The following CPM variants were observed in gnomAD, a reference collection of about 807,000 sequenced individuals.
CPM encodes the protein renal carboxypeptidase.
A neutral mutation model predicts 46.4 loss-of-function variants in CPM; 35 were observed. That is an observed-to-expected ratio of 0.75 (90% CI 0.58 to 1.00). The LOEUF is 1.00. Ranked by LOEUF, CPM falls within the 50% of genes least tolerant of loss-of-function variation. The pLI, the probability that CPM is intolerant of heterozygous loss-of-function variation, is 0.00. For synonymous variants in CPM, 195 were observed against 195.3 expected (o/e 1.00, Z 0.01); for missense variants, 422 against 530.4 (o/e 0.80, Z 2.01).
chr12:68,947,039 A>G (rs567637813), intron 1 of CPM, among the ~76,000 whole-genome samples: 3 of 152,370 alleles, frequency 2.0e-5, no homozygotes, highest in African/African-American at 7.2e-5. Flanking sequence ...TGAACACATA[A>G]GCTCTCCATG....
intron 1 of CPM, among the ~76,000 whole-genome samples, chr12:68,962,666 G>C (rs76585786): frequency 1.3e-5 from 2 of 152,152 alleles, no homozygotes; most frequent in African/African-American, 4.8e-5. Flanking sequence ...ATGATGGGAA[G>C]GGGGAGCCAG....
intron 1 of CPM, among the ~76,000 whole-genome samples, chr12:68,958,320 C>T (rs1489612866): frequency 6.6e-6 from 1 of 152,154 alleles, no homozygotes; most frequent in Non-Finnish European, 1.5e-5. Flanking sequence ...AGTATAAAAG[C>T]ATTCCTATTT....
intron 2 of CPM, 131 bp downstream of exon 2, chr12:68,932,547 G>GT (rs2081364862): frequency 9.6e-7 from 1 of 1,040,150 alleles, no homozygotes; most frequent in Non-Finnish European, 1.4e-6. Context: ...AACACGCACG[G>GT]TACCGGTTGA....
chr12:68,844,417 T>G (rs1000065196), intron 5 of CPM: 1 of 227,412 alleles, frequency 4.4e-6, no homozygotes, highest in African/African-American at 2.2e-5. Context: ...GAGTAAGAAA[T>G]GCTGTGTTCT....
chr12:68,880,406 G>T (rs1291401480), intron 3 of CPM, among the ~76,000 whole-genome samples: 1 of 152,026 alleles, frequency 6.6e-6, no homozygotes, highest in African/African-American at 2.4e-5. Context: ...GGAAAGAAAG[G>T]GACAGGTAGG....
In CPM at chr12:68,926,462, G is replaced by T. The variant is rs913682519; in HGVS notation, c.160+6216C>A. Among the ~76,000 whole-genome samples the T allele has an allele frequency of 5.3e-5, 8 of 152,154 alleles. No homozygotes were observed. The East Asian group carries it at 1.5e-3, about 29-fold the overall frequency. On this transcript the variant is annotated intron_variant, in intron 2 of 8. Transcript: ENST00000551568. ...GTAGAGCTATACCTTCAGGTCAAAT[G>T]TGCCCAAACCATGGTCCTAAAACCC...
chr12:68,865,847 T>C (rs1456877880), intron 7 of CPM, among the ~76,000 whole-genome samples: 1 of 152,206 alleles, frequency 6.6e-6, no homozygotes, highest in Non-Finnish European at 1.5e-5. Flanking sequence ...TGTGTTTCTC[T>C]AGTGCAATGG....
At chr12:68,903,367 C>G (rs1313761878) in intron 2 of CPM, among the ~76,000 whole-genome samples, 1 of 152,178 alleles carries the variant, frequency 6.6e-6, no homozygotes, top group Non-Finnish European at 1.5e-5. Context: ...AAAGGACCAA[C>G]ACTGAATGTT....
intron 2 of CPM, 68 bp downstream of exon 2, chr12:68,932,607 TGGG>T: frequency 6.4e-7 from 1 of 1,561,806 alleles, no homozygotes; most frequent in African/African-American, 1.4e-5. Flanking sequence ...GACAGGAAGC[TGGG>T]GCATATTTAA....
At chr12:68,931,217 T>C (rs1888485251) in intron 2 of CPM, among the ~76,000 whole-genome samples, 1 of 152,216 alleles carries the variant, frequency 6.6e-6, no homozygotes, top group South Asian at 2.1e-4. Context: ...TAATACTTTT[T>C]CTTTAATATA....
chr12:68,924,043 C>T (rs1888148391), intron 2 of CPM, among the ~76,000 whole-genome samples: 1 of 151,444 alleles, frequency 6.6e-6, no homozygotes, highest in Admixed American at 6.6e-5. Flanking sequence ...GGGACAGTGG[C>T]TCATTCCTTT....
chr12:68,921,388 C>G (rs1333667936), intron 2 of CPM, among the ~76,000 whole-genome samples: 1 of 152,038 alleles, frequency 6.6e-6, no homozygotes, highest in African/African-American at 2.4e-5. Flanking sequence ...GTGATCCACC[C>G]GCCTCAGCCT....
intron 1 of CPM, 38 bp from the exon 2 acceptor site, chr12:68,932,878 A>C (rs1168794077): frequency 1.3e-6 from 2 of 1,596,906 alleles, no homozygotes; most frequent in South Asian, 2.2e-5. Context: ...CTGAGAACAC[A>C]TGAGGGCAGG....
downstream of CPM, chr12:68,849,125 T>G (rs185897134): frequency 6.7e-6 from 1 of 150,342 alleles, no homozygotes; most frequent in Admixed American, 6.7e-5. Flanking sequence ...GGAGTTTCAC[T>G]GTCGCCCAGA....
chr12:68,863,122 A>G (rs1401930343), intron 7 of CPM, among the ~76,000 whole-genome samples: 1 of 152,184 alleles, frequency 6.6e-6, no homozygotes, highest in Non-Finnish European at 1.5e-5. Context: ...TCCCCACCGC[A>G]TGGTCACAGT....
intron 3 of CPM, among the ~76,000 whole-genome samples, chr12:68,883,831 A>T (rs1886305616): frequency 6.6e-6 from 1 of 151,860 alleles, no homozygotes; most frequent in Non-Finnish European, 1.5e-5. Flanking sequence ...GCGGTGGCTC[A>T]CACCTGTAAT....
intron 2 of CPM, among the ~76,000 whole-genome samples, chr12:68,901,691 G>A (rs1465615952): frequency 1.3e-5 from 2 of 152,224 alleles, no homozygotes; most frequent in Non-Finnish European, 2.9e-5. Context: ...AGTAAAGTTT[G>A]AGTGTTGGGC....
At chr12:68,842,291 A>G (rs1463101769) in exon 6 of CPM, 2 of 496,556 alleles carry the variant, frequency 4.0e-6, no homozygotes, top group South Asian at 3.1e-5. Flanking sequence ...AAGTCAGGCA[A>G]AACTCATCTT....
intron 5 of CPM, chr12:68,843,475 AAT>A (rs2136189054): frequency 1.3e-5 from 3 of 227,004 alleles, no homozygotes; most frequent in Non-Finnish European, 2.6e-5. Flanking sequence ...TAAAATTTCT[AAT>A]ATAAGTATCT....
Sources: allele counts gnomAD v4.1 joint callset (sites outside exome capture counted in the v4.1 genomes callset), GRCh38; gene constraint gnomAD v4.1.1; transcripts MANE v1.5; gene names NCBI Gene and HGNC (gene_info 2026-07-23, HGNC 2026-07-21).